The following USP32 variants were observed in gnomAD, a reference collection of about 807,000 sequenced individuals.
USP32 encodes ubiquitin carboxyl-terminal hydrolase 32.
USP32 carries 59 observed loss-of-function variants against 204.8 expected under a neutral mutation model. The ratio of observed to expected loss-of-function variants is 0.29; its 90% CI spans 0.23 to 0.36. The LOEUF (loss-of-function observed/expected upper bound fraction) is 0.36. USP32 is among the 10% of genes least tolerant of loss of function. The probability of loss-of-function intolerance (pLI) is 1.00; values close to 1 mark genes in which losing one functional copy is unlikely to be tolerated. For synonymous variants in USP32, 517 were observed against 678.4 expected, an observed-to-expected ratio of 0.76 and a Z score of 3.70; for missense variants, 1,160 against 1,946.4, an observed-to-expected ratio of 0.60 and a Z score of 7.60.
chr17:60,396,569 G>A (rs540690968), upstream of USP32, among the ~76,000 whole-genome samples: 1 of 152,186 alleles, frequency 6.6e-6, no homozygotes, highest in African/African-American at 2.4e-5. Flanking sequence ...GCTCACACCC[G>A]AACTGTAATT....
At chr17:60,376,030 T>C (rs2089533932) in intron 1 of USP32, among the ~76,000 whole-genome samples, 1 of 152,006 alleles carries the variant, frequency 6.6e-6, no homozygotes, top group Admixed American at 6.6e-5. Context: ...CTTTTGCCAA[T>C]TATAATCTAA....
Position 60,391,978 on chromosome 17 carries a change from C to T in USP32, c.-39G>A. ...CCTCGGCGGGGGGTCGGAGCCTGAT[C>T]TCGCCCCCACCCCCCTCCCGCCTTC... On this transcript the variant is annotated 5_prime_UTR_variant, in exon 1 of 34. Coordinates refer to ENST00000300896, the MANE Select transcript of USP32 (RefSeq NM_032582.4). 2 of 1,598,110 alleles carry T rather than the reference C, an allele frequency of 1.3e-6. No homozygotes were observed. Among genetic ancestry groups the T allele is most frequent in the South Asian group, 2.2e-5 (2 of 88,944 alleles).
intron 16 of USP32, among the ~76,000 whole-genome samples, chr17:60,219,033 C>T (rs1005126830): frequency 1.3e-5 from 2 of 152,158 alleles, no homozygotes; most frequent in African/African-American, 4.8e-5. Context: ...AAAATGGGAA[C>T]TACTTTATAT....
chr17:60,421,673 G>A, intron 1 of USP32: 1 of 895,590 alleles, frequency 1.1e-6, no homozygotes. Context: ...CGCGCCAGGG[G>A]CGAGGGTCCC....
At chr17:60,414,253 C>G (rs1055062255) in intron 1 of USP32, among the ~76,000 whole-genome samples, 30 of 151,776 alleles carry the variant, frequency 2.0e-4, no homozygotes, top group African/African-American at 6.8e-4. Context: ...ATCCCAGCTA[C>G]TCGGGAGGCT....
chr17:60,417,385 A>G (rs1354418988), intron 1 of USP32, among the ~76,000 whole-genome samples: 1 of 151,816 alleles, frequency 6.6e-6, no homozygotes, highest in Non-Finnish European at 1.5e-5. Context: ...GGCTCAAAAG[A>G]TCCTCTTGCC....
intron 9 of USP32, among the ~76,000 whole-genome samples, chr17:60,261,745 T>A (rs1021548698): frequency 2.6e-5 from 4 of 152,224 alleles, no homozygotes; most frequent in Non-Finnish European, 4.4e-5. Context: ...TATAAGAACC[T>A]TTTATATCTA....
At chr17:60,188,050 A>G (rs1361737008) in intron 29 of USP32, among the ~76,000 whole-genome samples, 1 of 151,998 alleles carries the variant, frequency 6.6e-6, no homozygotes, top group Non-Finnish European at 1.5e-5. Context: ...GCGAGATCAC[A>G]GCTCACTGCA....
At chr17:60,250,542 T>C (rs958519669) in intron 11 of USP32, among the ~76,000 whole-genome samples, 1 of 152,204 alleles carries the variant, frequency 6.6e-6, no homozygotes, top group Non-Finnish European at 1.5e-5. Context: ...ATGTCAATTA[T>C]TTTAAAATCC....
At chr17:60,179,521 C>A (rs1329266080) in intron 33 of USP32, 93 bp from the exon 34 acceptor site, 9 of 1,502,500 alleles carry the variant, frequency 6.0e-6, no homozygotes, top group Admixed American at 2.0e-5. Flanking sequence ...TCTGTAATTA[C>A]TAAACCTGAT....
chr17:60,292,933 C>T (rs961526347), intron 4 of USP32, among the ~76,000 whole-genome samples: 7 of 152,150 alleles, frequency 4.6e-5, no homozygotes, highest in Non-Finnish European at 1.0e-4. Flanking sequence ...ACCATTCCAA[C>T]TAAATTGGCC....
intron 9 of USP32, among the ~76,000 whole-genome samples, chr17:60,264,881 A>AAAAAAAAAAAAG (rs1555604168): frequency 7.1e-6 from 1 of 141,658 alleles, no homozygotes; most frequent in African/African-American, 2.8e-5. Flanking sequence ...AAAAAAAAAA[A>AAAAAAAAAAAAG]AGAGAGAGAG....
chr17:60,421,297 C>T, intron 1 of USP32: 1 of 877,420 alleles, frequency 1.1e-6, no homozygotes, highest in Non-Finnish European at 1.4e-6. Flanking sequence ...AACATGCTGG[C>T]ATAGAGGACA....
At chr17:60,199,209 T>C (rs2084609815) in intron 26 of USP32, among the ~76,000 whole-genome samples, 1 of 152,134 alleles carries the variant, frequency 6.6e-6, no homozygotes, top group Admixed American at 6.5e-5. Context: ...ATAGTGGTTG[T>C]TGGAGTGGCA....
chr17:60,408,408 C>T (rs2089994889), intron 1 of USP32, among the ~76,000 whole-genome samples: 1 of 151,470 alleles, frequency 6.6e-6, no homozygotes, highest in African/African-American at 2.4e-5. Flanking sequence ...GACAGAGTCT[C>T]GCTCTGTCCC....
intron 2 of USP32, among the ~76,000 whole-genome samples, chr17:60,311,991 T>C (rs895031326): frequency 1.3e-5 from 2 of 152,220 alleles, no homozygotes; most frequent in Non-Finnish European, 2.9e-5. Context: ...AAGTGACAGA[T>C]ACTGTTTTAT....
intron 2 of USP32, among the ~76,000 whole-genome samples, chr17:60,306,562 C>G (rs571028056): frequency 6.6e-6 from 1 of 151,734 alleles, no homozygotes; most frequent in Non-Finnish European, 1.5e-5. Context: ...CACTTGAACC[C>G]GGAAGGCAGA....
intron 26 of USP32, among the ~76,000 whole-genome samples, chr17:60,201,617 ATT>A (rs1302035934): frequency 2.0e-5 from 3 of 150,304 alleles, no homozygotes; most frequent in Admixed American, 2.0e-4. Context: ...ATATCATAAT[ATT>A]GTTTTAATTT....
intron 30 of USP32, among the ~76,000 whole-genome samples, chr17:60,185,004 T>C (rs1310833498): frequency 6.6e-6 from 1 of 152,178 alleles, no homozygotes; most frequent in Non-Finnish European, 1.5e-5. Flanking sequence ...CCTAGTGCAC[T>C]GGTGTGCTTG....
Sources: allele counts gnomAD v4.1 joint callset (sites outside exome capture counted in the v4.1 genomes callset), GRCh38; gene constraint gnomAD v4.1.1; transcripts MANE v1.5; gene names NCBI Gene and HGNC (gene_info 2026-07-23, HGNC 2026-07-21).